The following ABAT variants were observed in gnomAD, a reference collection of about 807,000 sequenced individuals.
ABAT encodes 4-aminobutyrate aminotransferase.
Under a neutral mutation model 64.6 loss-of-function variants are expected in ABAT, and 45 were observed. That is an observed-to-expected ratio of 0.70 (90% CI 0.55 to 0.89). The LOEUF is 0.89. ABAT is among the 40% of genes least tolerant of loss of function. ABAT has a pLI of 0.00. For synonymous variants in ABAT, 297 were observed against 250.5 expected (o/e 1.19, Z -1.75); for missense variants, 633 against 658.4 (o/e 0.96, Z 0.42).
intron 6 of ABAT, 132 bp downstream of exon 6, chr16:8,757,938 G>A: frequency 7.4e-6 from 8 of 1,074,818 alleles, no homozygotes; most frequent in Non-Finnish European, 1.1e-5. Flanking sequence ...CCCATACTAT[G>A]TGCCAGGTAT....
chr16:8,709,047 G>A (rs761413382), intron 1 of ABAT, among the ~76,000 whole-genome samples: 7 of 152,074 alleles, frequency 4.6e-5, no homozygotes, highest in Non-Finnish European at 8.8e-5. Context: ...ACACACATCC[G>A]ATTTTGAAGA....
intron 14 of ABAT, among the ~76,000 whole-genome samples, chr16:8,777,816 C>T (rs995413669): frequency 6.6e-6 from 1 of 152,166 alleles, no homozygotes; most frequent in African/African-American, 2.4e-5. Flanking sequence ...GCAGGGGATT[C>T]AAGAATGTGC....
intron 1 of ABAT, among the ~76,000 whole-genome samples, chr16:8,684,269 C>T (rs2057400947): frequency 6.6e-6 from 1 of 152,000 alleles, no homozygotes; most frequent in Admixed American, 6.6e-5. Context: ...CCAAGAAAAT[C>T]GCAGGGGAAA....
chr16:8,723,827 A>AT lies in ABAT; in HGVS notation c.-41-11841dup, dbSNP rs1157410078. Among the ~76,000 whole-genome samples the AT allele has an allele frequency of 4.7e-4, 19 of 40,356 alleles. 1 individual carries two copies. Among genetic ancestry groups the AT allele is most frequent in the African/African-American group, 6.7e-4 (6 of 8,966 alleles). 26.5% of individuals were successfully genotyped at this position (40,356 alleles called of 152,430 possible). A position where few individuals can be genotyped will look rare whatever the true frequency, so the allele number is the denominator to read the frequency against. ...AAGCTTTTTATATATATATATATAT[A>AT]TTTTTTTTTTTTTTTTTTTTTTTTT... is the stretch of plus-strand genomic sequence containing the variant. On this transcript the variant is annotated intron_variant, in intron 1 of 15. Transcript: ENST00000268251.
chr16:8,684,554 C>T (rs534316067), intron 1 of ABAT, among the ~76,000 whole-genome samples: 1 of 152,018 alleles, frequency 6.6e-6, no homozygotes, highest in Non-Finnish European at 1.5e-5. Context: ...CCCTTCTCTA[C>T]AAAAAATTTT....
At chr16:8,684,830 A>G (rs1313278508) in intron 1 of ABAT, among the ~76,000 whole-genome samples, 2 of 152,184 alleles carry the variant, frequency 1.3e-5, no homozygotes, top group African/African-American at 4.8e-5. Context: ...GGCAGACATT[A>G]GAACCAGTTC....
At chr16:8,709,181 T>C (rs931622037) in intron 1 of ABAT, among the ~76,000 whole-genome samples, 3 of 152,212 alleles carry the variant, frequency 2.0e-5, no homozygotes, top group African/African-American at 4.8e-5. Flanking sequence ...TCAGGTTAAA[T>C]AGAATTAACA....
intron 11 of ABAT, among the ~76,000 whole-genome samples, chr16:8,772,286 G>C (rs1243658987): frequency 1.1e-5 from 1 of 94,608 alleles, no homozygotes; most frequent in Admixed American, 1.0e-4. Context: ...GTGTGTGTGT[G>C]TGTGTGTGTG....
Position 8,781,446 on chromosome 16 carries a change from T to C in ABAT, c.*16T>C. 6.2e-7 allele frequency: 1 copy of C among 1,614,112 alleles called. No homozygotes were observed. The highest frequency in any genetic ancestry group is 8.5e-7 in the Non-Finnish European group (1 of 1,179,990). On this transcript the variant is annotated 3_prime_UTR_variant, in exon 16 of 16. Coordinates refer to ENST00000268251, the MANE Select transcript of ABAT (RefSeq NM_020686.6). The surrounding 1 kb of genome is among the most constrained non-coding windows in gnomAD (Gnocchi z 4.5). Reference sequence around the variant, plus strand: ...CTTCAAGTAAAGAAGCCATTTCCACTACAGTGAGAAAGCCCGGATCCCAAC... The same window carrying C: ...CTTCAAGTAAAGAAGCCATTTCCACCACAGTGAGAAAGCCCGGATCCCAAC...
At chr16:8,710,727 A>AGAGAGAGAGAGAGGAGAGGGAGG (rs146344975) in intron 1 of ABAT, among the ~76,000 whole-genome samples, 30 of 103,664 alleles carry the variant, frequency 2.9e-4, no homozygotes, top group Non-Finnish European at 5.0e-4. Context: ...AGAGAGAGAG[A>AGAGAGAGAGAGAGGAGAGGGAGG]GAGGAAATAG....
At chr16:8,751,656 T>C (rs1567303607) in intron 5 of ABAT, among the ~76,000 whole-genome samples, 1 of 152,070 alleles carries the variant, frequency 6.6e-6, no homozygotes, top group South Asian at 2.1e-4. Flanking sequence ...TCGTATAATC[T>C]CCTCGGAAAA....
chr16:8,758,646 T>C (rs1225880284), intron 6 of ABAT, among the ~76,000 whole-genome samples: 1 of 152,148 alleles, frequency 6.6e-6, no homozygotes, highest in Non-Finnish European at 1.5e-5. Flanking sequence ...ACCCACTAAA[T>C]GCCAGTAGCA....
At chr16:8,713,751 G>A in intron 1 of ABAT, 2 of 403,496 alleles carry the variant, frequency 5.0e-6, no homozygotes, top group Non-Finnish European at 1.0e-5. Context: ...GTGCCCAACG[G>A]CACCTCTTAG....
intron 1 of ABAT, among the ~76,000 whole-genome samples, chr16:8,718,042 A>C (rs1329381732): frequency 6.6e-6 from 1 of 152,208 alleles, no homozygotes; most frequent in Non-Finnish European, 1.5e-5. Flanking sequence ...CCGAGTTTGA[A>C]GACTGGCTCT....
intron 1 of ABAT, among the ~76,000 whole-genome samples, chr16:8,677,678 A>G (rs970665465): frequency 1.3e-5 from 2 of 152,170 alleles, no homozygotes; most frequent in South Asian, 2.1e-4. Context: ...CCCATGAGTC[A>G]TGTCCATCAG....
intron 1 of ABAT, among the ~76,000 whole-genome samples, chr16:8,725,153 TG>T (rs2058509043): frequency 6.6e-6 from 1 of 152,120 alleles, no homozygotes; most frequent in South Asian, 2.1e-4. Flanking sequence ...TGACCTCAGG[TG>T]ATCTACCCGT....
intron 1 of ABAT, among the ~76,000 whole-genome samples, chr16:8,691,796 G>T (rs538114604): frequency 6.6e-6 from 1 of 152,264 alleles, no homozygotes; most frequent in East Asian, 1.9e-4. Context: ...ACTGGTGGGG[G>T]AATGAAGAAT....
chr16:8,780,780 AAG>A (rs1328000968), intron 15 of ABAT: 1 of 186,766 alleles, frequency 5.4e-6, no homozygotes, highest in African/African-American at 2.5e-5. Flanking sequence ...AAAAAAAAAA[AAG>A]GCATAAACAA....
chr16:8,683,527 G>T (rs183830926), intron 1 of ABAT: 1 of 147,776 alleles, frequency 6.8e-6, no homozygotes, highest in East Asian at 2.0e-4. Context: ...CTCCAGCCTG[G>T]GCAACATAGT....
Sources: allele counts gnomAD v4.1 joint callset (sites outside exome capture counted in the v4.1 genomes callset), GRCh38; gene constraint gnomAD v4.1.1; non-coding constraint Gnocchi (gnomAD v3.1); transcripts MANE v1.5; gene names NCBI Gene and HGNC (gene_info 2026-07-23, HGNC 2026-07-21).